The following SLC24A4 variants were observed in gnomAD, a reference collection of about 807,000 sequenced individuals.
The protein encoded by SLC24A4 is solute carrier family 24 member 4, also known as sodium/potassium/calcium exchanger 4.
A neutral mutation model predicts 79.0 loss-of-function variants in SLC24A4; 53 were observed. The ratio of observed to expected loss-of-function variants is 0.67; its 90% CI spans 0.54 to 0.84. SLC24A4 has a LOEUF of 0.84. Ranked by LOEUF, SLC24A4 falls within the 40% of genes least tolerant of loss-of-function variation. SLC24A4 has a pLI of 0.00. For missense variants in SLC24A4, 731 were observed against 822.0 expected (o/e 0.89, Z 1.35); for synonymous variants, 323 against 323.8 (o/e 1.00, Z 0.03).
chr14:92,450,426 G>C (rs1264690734), intron 10 of SLC24A4: 1 of 152,438 alleles, frequency 6.6e-6, no homozygotes, highest in East Asian at 1.9e-4. Context: ...GGGTGGCGGG[G>C]TGCGGTCCAG....
intron 2 of SLC24A4, among the ~76,000 whole-genome samples, chr14:92,411,371 C>A (rs1186529087): frequency 6.6e-6 from 1 of 152,176 alleles, no homozygotes; most frequent in Non-Finnish European, 1.5e-5. Context: ...AGCCAGAGCT[C>A]CAGTGCTCAT....
intron 14 of SLC24A4, among the ~76,000 whole-genome samples, chr14:92,489,029 A>G (rs1895527887): frequency 6.6e-6 from 1 of 152,182 alleles, no homozygotes; most frequent in African/African-American, 2.4e-5. Context: ...GAGTGGCTAC[A>G]GCGAAATGTG....
intron 14 of SLC24A4, among the ~76,000 whole-genome samples, chr14:92,489,362 C>A (rs1047987088): frequency 6.6e-6 from 1 of 152,048 alleles, no homozygotes; most frequent in African/African-American, 2.4e-5. Context: ...TTGCTTGAAC[C>A]CAGGAGGCAG....
chr14:92,359,073 C>T (rs918322455), intron 2 of SLC24A4, among the ~76,000 whole-genome samples: 3 of 152,158 alleles, frequency 2.0e-5, no homozygotes, highest in African/African-American at 4.8e-5. Context: ...ATCTAGTCAG[C>T]GTGGCTAAAA....
intron 14 of SLC24A4, among the ~76,000 whole-genome samples, chr14:92,489,136 A>T (rs2139940561): frequency 1.3e-5 from 2 of 152,022 alleles, no homozygotes; most frequent in Non-Finnish European, 2.9e-5. Flanking sequence ...TCCAACAAAC[A>T]TGGTTAAAAA....
At chr14:92,423,985 A>G (rs1410964823) in intron 2 of SLC24A4, among the ~76,000 whole-genome samples, 1 of 152,166 alleles carries the variant, frequency 6.6e-6, no homozygotes, top group East Asian at 1.9e-4. Flanking sequence ...GGAGTCTCTG[A>G]GAAAATCTGT....
chr14:92,486,020 G>T (rs1158310756), intron 13 of SLC24A4, among the ~76,000 whole-genome samples: 3 of 152,184 alleles, frequency 2.0e-5, no homozygotes. Flanking sequence ...TGCAAGATGT[G>T]CCCACCTCAG....
rs115179899 is a variant in SLC24A4 at position 92,472,640 on chromosome 14, A to G, written c.1256-10040A>G. Among the ~76,000 whole-genome samples, 786 of 152,214 alleles carry G rather than the reference A, an allele frequency of 5.2e-3. 6 individuals are homozygous for G. Among genetic ancestry groups the G allele is most frequent in the African/African-American group, 0.017 (711 of 41,478 alleles). On this transcript the variant is annotated intron_variant, in intron 12 of 16. Coordinates refer to ENST00000532405, the MANE Select transcript of SLC24A4 (RefSeq NM_153646.4). ...TATATGTGCACATATCTGTGAACAT[A>G]TATGTGCATATATGTACACACCACA...
chr14:92,401,600 C>A (rs914160243), intron 2 of SLC24A4, among the ~76,000 whole-genome samples: 1 of 152,152 alleles, frequency 6.6e-6, no homozygotes, highest in African/African-American at 2.4e-5. Flanking sequence ...TTCCCCTGAG[C>A]AGAGAGAGGC....
At position 92,445,251 on chromosome 14, in the gene SLC24A4, G is replaced by A. The variant is rs369382887; in HGVS notation, c.658-66G>A. The A allele has an allele frequency of 8.5e-5, 136 of 1,593,046 alleles. 1 individual carries two copies. In the Middle Eastern group the frequency reaches 1.7e-3, roughly 19 times the overall value. On this transcript the variant is annotated intron_variant, in intron 7 of 16. Transcript: ENST00000532405. The stretch of plus-strand genomic sequence containing the variant: ...ATTGGCTCTGGGTGCCTGGGTGTCC[G>A]TGCTTGTTCTTGTTTGGAAATAAAT...
intron 2 of SLC24A4, among the ~76,000 whole-genome samples, chr14:92,409,004 T>G (rs1368526371): frequency 6.6e-6 from 1 of 152,174 alleles, no homozygotes. Flanking sequence ...ACTGCCTGGC[T>G]GAGTCTGCAG....
At chr14:92,484,914 T>C (rs1895271134) in intron 13 of SLC24A4, 1 of 980,896 alleles carries the variant, frequency 1.0e-6, no homozygotes, top group South Asian at 4.7e-5. Context: ...AGTAGTGTGA[T>C]TTCTTATAGT....
At chr14:92,467,350 C>T (rs1894180622) in intron 12 of SLC24A4, among the ~76,000 whole-genome samples, 1 of 152,206 alleles carries the variant, frequency 6.6e-6, no homozygotes. Context: ...CAAAATCCAA[C>T]ACATTTTCTT....
rs1357579767 is a variant in SLC24A4 at position 92,490,795 on chromosome 14, C to T, written c.1538-870C>T. Among the ~76,000 whole-genome samples the T allele has an allele frequency of 6.6e-6, 1 of 152,192 alleles. No homozygotes were observed. Among genetic ancestry groups the T allele is most frequent in the Non-Finnish European group, 1.5e-5 (1 of 68,034 alleles). On this transcript the variant is annotated intron_variant, in intron 14 of 16. Coordinates refer to ENST00000532405, the MANE Select transcript of SLC24A4 (RefSeq NM_153646.4). The surrounding 1 kb of genome is among the most constrained non-coding windows in gnomAD (Gnocchi z 4.3). ...CTGGCAGGAGAGATCATGAAGGGCC[C>T]GCATGCATCTGCTAGGCTTCGTTCC...
In SLC24A4 at chr14:92,497,809, C is replaced by G. The variant is rs1198706263; in HGVS notation, c.*4181C>G. 1 of 152,414 alleles carries G rather than the reference C, an allele frequency of 6.6e-6. No individual in the cohort carries two copies. Among genetic ancestry groups the G allele is most frequent in the East Asian group, 1.9e-4 (1 of 5,200 alleles). 9.4% of individuals were successfully genotyped at this position (152,414 alleles called of 1,614,324 possible). On this transcript the variant is annotated 3_prime_UTR_variant, in exon 17 of 17. Transcript: ENST00000532405. ...TCCTTTCCTTCTGGGCCATGCTCCT[C>G]CCTGGCTGGAAAAAGGTGGCTGTGC...
At position 92,364,886 on chromosome 14, in the gene SLC24A4, G is replaced by A. The variant is rs569215353; in HGVS notation, c.241+38908G>A. On this transcript the variant is annotated intron_variant, in intron 2 of 16. Transcript: ENST00000532405. The stretch of plus-strand genomic sequence containing the variant: ...CATTAGTGTTTGCTAAAGGAAGCTC[G>A]TCACTTGCCCTCCTCCCTGCACCCC... Among the ~76,000 whole-genome samples the A allele has an allele frequency of 5.9e-5, 9 of 152,304 alleles. No homozygotes were observed. In the East Asian group the frequency reaches 7.7e-4, roughly 13 times the overall value.
intron 13 of SLC24A4, chr14:92,484,989 C>A (rs1895274465): frequency 1.4e-6 from 1 of 709,172 alleles, no homozygotes; most frequent in Non-Finnish European, 1.7e-6. Context: ...CTTACTTCAT[C>A]TTGTTCAAGC....
chr14:92,419,033 T>C (rs753596350), intron 2 of SLC24A4, among the ~76,000 whole-genome samples: 44 of 152,284 alleles, frequency 2.9e-4, no homozygotes, highest in Non-Finnish European at 4.1e-4. Context: ...TTCAACTGAT[T>C]GGGGTGGAGT....
intron 2 of SLC24A4, among the ~76,000 whole-genome samples, chr14:92,326,499 C>G (rs535038350): frequency 8.5e-5 from 13 of 152,238 alleles, no homozygotes; most frequent in African/African-American, 2.4e-4. Flanking sequence ...GAGACTGATT[C>G]TGCTTGCCCC....
Sources: gnomAD v4.1 joint callset for allele counts (sites outside exome capture counted in the v4.1 genomes callset) on GRCh38, gnomAD v4.1.1 for gene constraint, Gnocchi (gnomAD v3.1) non-coding constraint, MANE v1.5 for transcripts, NCBI Gene and HGNC (gene_info 2026-07-23, HGNC 2026-07-21) for gene names.